Variants in KATNIP observed in about 807,000 individuals in gnomAD.
KATNIP encodes katanin-interacting protein.
Under a neutral mutation model 174.0 loss-of-function variants are expected in KATNIP, and 126 were observed. The observed-to-expected ratio is 0.72, with a 90% CI of 0.63 to 0.84. KATNIP has a LOEUF of 0.84. Among genes scored for constraint, KATNIP ranks in the 40% least tolerant of loss-of-function variants. KATNIP has a pLI of 0.00. For synonymous variants in KATNIP, 810 were observed against 835.7 expected (o/e 0.97, Z 0.53); for missense variants, 1,958 against 2,109.7 (o/e 0.93, Z 1.41).
chr16:27,725,930 A>G (rs576042573), intron 14 of KATNIP, among the ~76,000 whole-genome samples: 82 of 152,294 alleles, frequency 5.4e-4, no homozygotes, highest in African/African-American at 1.9e-3. Flanking sequence ...AATGAATGCT[A>G]CATTTCCCCA....
chr16:27,692,703 C>T lies in KATNIP; in HGVS notation c.941-5625C>T, dbSNP rs530639651. On this transcript the variant is annotated intron_variant, in intron 8 of 27. Coordinates refer to ENST00000261588, the MANE Select transcript of KATNIP (RefSeq NM_015202.5). ...AGATGGTACATCTCAAATGACAGTG[C>T]GTCCCCTCCCATCATGAGCAGCCCC... 3.9e-5 allele frequency among the ~76,000 whole-genome samples: 6 copies of T among 152,282 alleles called. No homozygotes were observed. The South Asian group carries it at 6.2e-4, about 16-fold the overall frequency.
chr16:27,642,715 G>A (rs2076837523), intron 5 of KATNIP, among the ~76,000 whole-genome samples: 1 of 151,700 alleles, frequency 6.6e-6, no homozygotes, highest in Non-Finnish European at 1.5e-5. Flanking sequence ...TCTAATCCCA[G>A]TCCAAAGGCC....
At chr16:27,625,336 C>T (rs894474361) in intron 3 of KATNIP, among the ~76,000 whole-genome samples, 4 of 152,192 alleles carry the variant, frequency 2.6e-5, no homozygotes, top group African/African-American at 4.8e-5. Flanking sequence ...TGACTGTTAA[C>T]GTGGCATCAG....
chr16:27,604,476 C>T lies in KATNIP; in HGVS notation c.64-13949C>T, dbSNP rs139188313. Among the ~76,000 whole-genome samples, 447 of 152,152 alleles carry T rather than the reference C, an allele frequency of 2.9e-3. 4 individuals carry two copies. The highest frequency in any genetic ancestry group is 5.0e-3 in the Non-Finnish European group (341 of 67,982). On this transcript the variant is annotated intron_variant, in intron 2 of 27. Coordinates refer to ENST00000261588, the MANE Select transcript of KATNIP (RefSeq NM_015202.5). ...TCTTGAGCTCCTGGGCACAAGTGATCCTCCTGCCTCAGCCTCCCAAAGTGC... is the reference window on the plus strand; with the variant it reads ...TCTTGAGCTCCTGGGCACAAGTGATTCTCCTGCCTCAGCCTCCCAAAGTGC...
intron 6 of KATNIP, among the ~76,000 whole-genome samples, chr16:27,673,851 C>T (rs1489657364): frequency 6.6e-6 from 1 of 152,214 alleles, no homozygotes; most frequent in East Asian, 1.9e-4. Flanking sequence ...GGTCCCATCA[C>T]CAATGTCACC....
intron 10 of KATNIP, among the ~76,000 whole-genome samples, chr16:27,701,217 GC>G (rs1285940040): frequency 6.6e-6 from 1 of 151,940 alleles, no homozygotes; most frequent in Non-Finnish European, 1.5e-5. Flanking sequence ...GAGTGCAGTG[GC>G]ATGACCATAG....
At chr16:27,587,378 C>A (rs1451527572) in intron 2 of KATNIP, among the ~76,000 whole-genome samples, 2 of 152,238 alleles carry the variant, frequency 1.3e-5, no homozygotes, top group East Asian at 3.8e-4. Flanking sequence ...TGCAGATAGC[C>A]AGGCCAGTGG....
At chr16:27,576,621 A>C (rs1312812229) in intron 2 of KATNIP, among the ~76,000 whole-genome samples, 1 of 151,904 alleles carries the variant, frequency 6.6e-6, no homozygotes, top group Non-Finnish European at 1.5e-5. Flanking sequence ...ACTAAAAAAC[A>C]ATTATTAAAA....
intron 8 of KATNIP, among the ~76,000 whole-genome samples, chr16:27,682,621 C>T: frequency 6.6e-6 from 1 of 152,124 alleles, no homozygotes; most frequent in East Asian, 1.9e-4. Context: ...TTAGTTGTGA[C>T]TTTCTATCCT....
Position 27,769,987 on chromosome 16 carries a change from C to T in KATNIP, c.4102C>T (p.Arg1368Trp), listed in dbSNP as rs766568487. Residue 1368 changes from arginine to tryptophan, a missense_variant, in exon 21 of 28, where the codon CGG becomes TGG. Physicochemically the swap from Arg to Trp is moderately radical, Grantham distance 101. This residue lies in a region of KATNIP where 383 missense variants were observed against 456.0 expected (regional missense o/e 0.84). Transcript: ENST00000261588. The part of the protein sequence containing the change: ...AQEILFVDYL[R>W]AQLLPQPARR... ...AGAAATCCTCTTCGTGGACTACCTA[C>T]GGGCTCAGCTGCTGCCCCAGCCGGC... 1.2e-5 allele frequency: 19 copies of T among 1,613,982 alleles called. 1 individual carries two copies. The highest frequency in any genetic ancestry group is 5.5e-5 in the South Asian group (5 of 91,094).
intron 14 of KATNIP, among the ~76,000 whole-genome samples, chr16:27,739,504 T>C (rs930796965): frequency 4.6e-5 from 7 of 152,208 alleles, no homozygotes; most frequent in African/African-American, 1.7e-4. Flanking sequence ...CGAGTCCTTG[T>C]CTCAGCCTCT....
At chr16:27,642,635 A>G (rs976473138) in intron 5 of KATNIP, among the ~76,000 whole-genome samples, 5 of 152,154 alleles carry the variant, frequency 3.3e-5, no homozygotes, top group East Asian at 3.8e-4. Context: ...CCGAGTTGAT[A>G]GGGCCTGGGA....
rs989444584 is a variant in KATNIP at position 27,648,590 on chromosome 16, G to A, written c.409-14G>A. The A allele has an allele frequency of 3.1e-6, 5 of 1,613,966 alleles. No individual in the cohort carries two copies. Among genetic ancestry groups the A allele is most frequent in the Admixed American group, 1.7e-5 (1 of 60,000 alleles). On this transcript the variant is annotated splice_polypyrimidine_tract_variant and intron_variant, in intron 5 of 27. Transcript: ENST00000261588. ...CATTCCACCTTATCTGAAATGGCCTGCATTTTTGTACAGAAATCTGTGCAG... is the reference window on the plus strand; with the variant it reads ...CATTCCACCTTATCTGAAATGGCCTACATTTTTGTACAGAAATCTGTGCAG...
At chr16:27,674,008 G>A (rs1171711897) in intron 6 of KATNIP, among the ~76,000 whole-genome samples, 1 of 152,154 alleles carries the variant, frequency 6.6e-6, no homozygotes, top group African/African-American at 2.4e-5. Context: ...CTGGGTATCT[G>A]GGTGTGGTGG....
chr16:27,734,277 T>C (rs2143364892), intron 14 of KATNIP, among the ~76,000 whole-genome samples: 1 of 151,792 alleles, frequency 6.6e-6, no homozygotes, highest in Middle Eastern at 3.4e-3. Context: ...GAGACAGCGT[T>C]TCTGGCACCT....
chr16:27,761,636 G>A (rs971265731), intron 19 of KATNIP, 46 bp downstream of exon 19: 2 of 1,529,626 alleles, frequency 1.3e-6, no homozygotes, highest in Non-Finnish European at 1.8e-6. Context: ...CTGGGTTTTG[G>A]GGACATTGTT....
intron 1 of KATNIP, among the ~76,000 whole-genome samples, chr16:27,564,746 GGCTTGCTTGCTTGCTT>G (rs60987314): frequency 1.3e-5 from 2 of 151,704 alleles, no homozygotes; most frequent in South Asian, 2.1e-4. Flanking sequence ...GTGTCTGCCT[GGCTTGCTTGCTTGCTT>G]GCTTGCTTGC....
chr16:27,576,946 C>G (rs2090520909), intron 2 of KATNIP, among the ~76,000 whole-genome samples: 1 of 152,072 alleles, frequency 6.6e-6, no homozygotes, highest in African/African-American at 2.4e-5. Context: ...GTGGTGTGGC[C>G]AGTGCACTCC....
At chr16:27,711,245 G>A (rs1158301739) in intron 13 of KATNIP, among the ~76,000 whole-genome samples, 3 of 152,164 alleles carry the variant, frequency 2.0e-5, no homozygotes, top group Non-Finnish European at 2.9e-5. Flanking sequence ...AGGAGGATGT[G>A]AGATTCTTCT....
Sources: gnomAD v4.1 joint callset for allele counts (sites outside exome capture counted in the v4.1 genomes callset) on GRCh38, gnomAD v4.1.1 for gene constraint, gnomAD v4.1.1 regional missense constraint, MANE v1.5 for transcripts, NCBI Gene and HGNC (gene_info 2026-07-23, HGNC 2026-07-21) for gene names.